Variants in FBN3 observed in about 807,000 individuals in gnomAD.
The protein encoded by FBN3 is fibrillin-3.
Under a neutral mutation model 330.1 loss-of-function variants are expected in FBN3, and 234 were observed. The ratio of observed to expected loss-of-function variants is 0.71; its 90% CI spans 0.64 to 0.79. The LOEUF (loss-of-function observed/expected upper bound fraction) is 0.79. Among genes scored for constraint, FBN3 ranks in the 30% least tolerant of loss-of-function variants. The probability of loss-of-function intolerance (pLI) is 0.00; values close to 1 mark genes in which losing one functional copy is unlikely to be tolerated. For missense variants in FBN3, 3,606 were observed against 3,886.9 expected, an observed-to-expected ratio of 0.93 and a Z score of 1.92; for synonymous variants, 1,458 against 1,517.3, an observed-to-expected ratio of 0.96 and a Z score of 0.91.
chr19:8,131,676 G>T lies in FBN3; in HGVS notation c.1868C>A (p.Ala623Asp), dbSNP rs776281697. The T allele has an allele frequency of 2.5e-6, 4 of 1,614,080 alleles. No individual in the cohort carries two copies. The highest frequency in any genetic ancestry group is 3.4e-6 in the Non-Finnish European group (4 of 1,180,046). The change falls in exon 15 of 64, where the codon GCC becomes GAC. Residue 623 changes from alanine to aspartate, a missense_variant. Ala to Asp is a moderately radical substitution (Grantham distance 126). Transcript: ENST00000600128. This position sits in a 1 kb window ranked among gnomAD's most constrained non-coding sequence, Gnocchi z 4.5. ...DTHVRSTCYGAIEKGSCARPF... is the reference protein window; with the variant it reads ...DTHVRSTCYGDIEKGSCARPF... ...GCGGGCACAGGAGCCCTTCTCGATG[G>T]CCCCATAGCAGGTGCTGCGCACGTG...
chr19:8,093,941 C>T (rs2082154892), intron 47 of FBN3, among the ~76,000 whole-genome samples: 1 of 152,130 alleles, frequency 6.6e-6, no homozygotes, highest in South Asian at 2.1e-4. Context: ...AGCCCATCTG[C>T]TCAAGCCAGA....
Position 8,109,444 on chromosome 19 carries a change from C to T in FBN3, c.4457-56G>A, listed in dbSNP as rs950294702. 3.0e-5 allele frequency: 48 copies of T among 1,592,884 alleles called. No homozygotes were observed. Among genetic ancestry groups the T allele is most frequent in the Middle Eastern group, 1.7e-4 (1 of 6,020 alleles). ...TGTCAGAGGGAAAGCTGTATGTGTG[C>T]GTGTGCATGCATGTGTCTATTTCAA... On this transcript the variant is annotated intron_variant, in intron 35 of 63. Coordinates refer to ENST00000600128, the MANE Select transcript of FBN3 (RefSeq NM_032447.5). This position sits in a 1 kb window ranked among gnomAD's most constrained non-coding sequence, Gnocchi z 5.2.
At chr19:8,135,936 G>GGGGGGGGGGGGCCCCCCCC in intron 13 of FBN3, 25 bp downstream of exon 13, 13 of 668,746 alleles carry the variant, frequency 1.9e-5, no homozygotes, top group Non-Finnish European at 2.4e-5. Context: ...GGAAGCCCCT[G>GGGGGGGGGGGGCCCCCCCC]CCCACCCGCC....
At chr19:8,135,217 G>A (rs954757980) in intron 13 of FBN3, among the ~76,000 whole-genome samples, 2 of 151,538 alleles carry the variant, frequency 1.3e-5, no homozygotes, top group Non-Finnish European at 2.9e-5. Context: ...GGCCTCAAGC[G>A]ATCCTCCTGC....
intron 45 of FBN3, 78 bp from the exon 46 acceptor site, chr19:8,095,581 A>G (rs957735955): frequency 1.3e-6 from 2 of 1,510,228 alleles, no homozygotes; most frequent in Non-Finnish European, 1.8e-6. Context: ...TCTGTCCACA[A>G]CTGAGTTGAG....
At chr19:8,076,247 C>CGT (rs34549426) in intron 59 of FBN3, among the ~76,000 whole-genome samples, 8,017 of 147,692 alleles carry the variant, frequency 0.054, 261 homozygotes, top group Middle Eastern at 0.14. Context: ...TGTCCGTGTG[C>CGT]GTGTGTGTGT....
At chr19:8,080,346 G>C (rs2081747475) in intron 59 of FBN3, among the ~76,000 whole-genome samples, 1 of 152,228 alleles carries the variant, frequency 6.6e-6, no homozygotes, top group Non-Finnish European at 1.5e-5. Context: ...GATGGTAGCA[G>C]ATGCCCTTGT....
intron 16 of FBN3, among the ~76,000 whole-genome samples, chr19:8,130,659 G>GGAAAGGAAAGGAAAAGAAAA (rs1555750608): frequency 1.6e-4 from 6 of 37,252 alleles, no homozygotes; most frequent in Admixed American, 7.9e-4. Flanking sequence ...GGAAAGGAAA[G>GGAAAGGAAAGGAAAAGAAAA]GAAAAGAAAA....
intron 41 of FBN3, among the ~76,000 whole-genome samples, chr19:8,098,345 G>A (rs2082255318): frequency 6.6e-6 from 1 of 151,276 alleles, no homozygotes; most frequent in Non-Finnish European, 1.5e-5. Flanking sequence ...AACAACCTAA[G>A]TGTCAATCAA....
At chr19:8,104,929 TTCTTTCTC>T (rs2082405983) in intron 38 of FBN3, among the ~76,000 whole-genome samples, 1 of 151,562 alleles carries the variant, frequency 6.6e-6, no homozygotes, top group Non-Finnish European at 1.5e-5. Context: ...TTTCTTCTCT[TTCTTTCTC>T]TCTCTTTCTC....
Position 8,129,481 on chromosome 19 carries a change from G to A in FBN3, c.2045-116C>T. 2.2e-6 allele frequency: 3 copies of A among 1,335,070 alleles called. No homozygotes were observed. Among genetic ancestry groups the A allele is most frequent in the South Asian group, 2.8e-5 (2 of 72,682 alleles). 82.7% of individuals were successfully genotyped at this position (1,335,070 alleles called of 1,614,324 possible). On this transcript the variant is annotated intron_variant, in intron 16 of 63. Transcript: ENST00000600128. This position sits in a 1 kb window ranked among gnomAD's most constrained non-coding sequence, Gnocchi z 4.5. ...AGAAGTCAGATTCCCCAAGGCCATA[G>A]CTCCAGCCCAGACCCGGCCTCATTC... is the stretch of plus-strand genomic sequence containing the variant.
rs893460962 is a variant in FBN3, at chr19:8,095,892, C to T, written c.5656+72G>A. ...GACTTTCTGGGCATCTTTCTGTGGC[C>T]AATTTCTAGATTCACTTCCTTAGAT... On this transcript the variant is annotated intron_variant, in intron 45 of 63. Transcript: ENST00000600128. 24 of 956,802 alleles carry T rather than the reference C, an allele frequency of 2.5e-5. No homozygotes were observed. In the African/African-American group the frequency reaches 3.2e-4, roughly 13 times the overall value. 59.3% of individuals were successfully genotyped at this position (956,802 alleles called of 1,614,324 possible).
intron 3 of FBN3, among the ~76,000 whole-genome samples, chr19:8,146,493 G>C (rs1352914953): frequency 6.6e-6 from 1 of 152,230 alleles, no homozygotes; most frequent in Non-Finnish European, 1.5e-5. Context: ...GAGCTGCTGA[G>C]CTGTGAGGAC....
chr19:8,096,740 A>G lies in FBN3; in HGVS notation c.5413+141T>C. 7.9e-7 allele frequency: 1 copy of G among 1,268,934 alleles called. No individual in the cohort carries two copies. The highest frequency in any genetic ancestry group is 1.1e-6 in the Non-Finnish European group (1 of 912,830). 78.6% of individuals were successfully genotyped at this position (1,268,934 alleles called of 1,614,324 possible). ...TGAGCTCTCACCTCTATCACATCCTATTAACAGACACTCTCAATACATCCC... is the reference window on the plus strand; with the variant it reads ...TGAGCTCTCACCTCTATCACATCCTGTTAACAGACACTCTCAATACATCCC... On this transcript the variant is annotated intron_variant, in intron 43 of 63. Transcript: ENST00000600128. This position sits in a 1 kb window ranked among gnomAD's most constrained non-coding sequence, Gnocchi z 4.6.
intron 37 of FBN3, 106 bp from the exon 38 acceptor site, chr19:8,106,339 C>T: frequency 2.6e-6 from 3 of 1,172,772 alleles, no homozygotes; most frequent in Middle Eastern, 2.0e-4. Flanking sequence ...CGAGGATCCC[C>T]AAGTGCTGTC....
rs1302123645 is a variant in FBN3, at chr19:8,069,570, G to C, written c.8088+2478C>G. ...ACTGACCCCTGCTGGCAGTCAGTGG[G>C]TATTGCAGGCAAAGGCACAATACAG... On this transcript the variant is annotated intron_variant, in intron 63 of 63. Coordinates refer to ENST00000600128, the MANE Select transcript of FBN3 (RefSeq NM_032447.5). 2.0e-5 allele frequency among the ~76,000 whole-genome samples: 3 copies of C among 152,260 alleles called. No individual in the cohort carries two copies. The South Asian group carries it at 6.2e-4, about 32-fold the overall frequency.
At position 8,115,654 on chromosome 19, in the gene FBN3, G is replaced by C. The variant is rs774423636; in HGVS notation, c.3713-14C>G. 53 of 1,613,678 alleles carry C rather than the reference G, an allele frequency of 3.3e-5. No individual in the cohort carries two copies. The Admixed American group carries it at 3.5e-4, about 11-fold the overall frequency. ...ACTCATCCACATCTGTTGGGGAAGA[G>C]AGCATGAGGTCTGAGGACTGGGTGC... On this transcript the variant is annotated splice_polypyrimidine_tract_variant and intron_variant, in intron 29 of 63. Transcript: ENST00000600128.
At chr19:8,083,001 G>A (rs1242955636) in intron 57 of FBN3, among the ~76,000 whole-genome samples, 1 of 151,842 alleles carries the variant, frequency 6.6e-6, no homozygotes, top group Non-Finnish European at 1.5e-5. Context: ...TTAGCGATGG[G>A]GTCTTGCTAT....
At position 8,123,979 on chromosome 19, in the gene FBN3, A is replaced by G. The variant is rs774745593; in HGVS notation, c.2761T>C (p.Trp921Arg). Reference sequence around the variant, plus strand: ...GTGACCCCACACTCATCCTCATCCCATCGCAGGAAACATGGTTCCAATCTC... The same window carrying G: ...GTGACCCCACACTCATCCTCATCCCGTCGCAGGAAACATGGTTCCAATCTC... ...DVRLEPCFLR[W>R]DEDECGVTLP... is the part of the protein sequence containing the mutation. Residue 921 changes from tryptophan (W) to arginine (R), a missense_variant, in exon 23 of 64, where the codon TGG becomes CGG. Physicochemically the swap from Trp to Arg is moderately radical, Grantham distance 101 (BLOSUM62 -3). Transcript: ENST00000600128. 1.5e-5 allele frequency: 24 copies of G among 1,613,942 alleles called. No individual in the cohort carries two copies. The highest frequency in any genetic ancestry group is 1.9e-5 in the Non-Finnish European group (22 of 1,179,974).
Sources: allele counts gnomAD v4.1 joint callset (sites outside exome capture counted in the v4.1 genomes callset), GRCh38; gene constraint gnomAD v4.1.1; non-coding constraint Gnocchi (gnomAD v3.1); transcripts MANE v1.5; gene names NCBI Gene and HGNC (gene_info 2026-07-23, HGNC 2026-07-21).